The following IGSF8 variants were observed in gnomAD, a reference collection of about 807,000 sequenced individuals.
The protein encoded by IGSF8 is immunoglobulin superfamily member 8.
A neutral mutation model predicts 55.5 loss-of-function variants in IGSF8; 46 were observed. The observed-to-expected ratio is 0.83, with a 90% CI of 0.65 to 1.06. The LOEUF is 1.06. IGSF8 is among the 50% of genes least tolerant of loss of function. The pLI is 0.00. For synonymous variants in IGSF8, 314 were observed against 356.1 expected (o/e 0.88, Z 1.33); for missense variants, 731 against 832.3 (o/e 0.88, Z 1.50).
intron 1 of IGSF8, chr1:160,097,631 C>T: frequency 3.1e-6 from 3 of 971,034 alleles, no homozygotes; most frequent in East Asian, 1.1e-4. Flanking sequence ...CCCTCCAGTT[C>T]AGGCCAAAAA....
rs1462972441 is a variant in IGSF8 at position 160,094,025 on chromosome 1, G to A, written c.589C>T (p.His197Tyr). 2 of 1,614,186 alleles carry A rather than the reference G, an allele frequency of 1.2e-6. No individual in the cohort carries two copies. The highest frequency in any genetic ancestry group is 1.3e-5 in the African/African-American group (1 of 75,078). The change falls in exon 3 of 7, where the codon CAC becomes TAC. Residue 197 changes from histidine (H) to tyrosine (Y), a missense_variant. His to Tyr is a moderately conservative substitution (Grantham distance 83, BLOSUM62 2). Coordinates refer to ENST00000314485, the MANE Select transcript of IGSF8 (RefSeq NM_052868.6). This position sits in a 1 kb window ranked among gnomAD's most constrained non-coding sequence, Gnocchi z 4.0. The part of the protein sequence containing the change: ...LARTSTQKHT[H>Y]LAVSFGRSVP... Reference sequence around the variant, plus strand: ...GATCGCCCAAAGGACACTGCCAGGTGTGTGTGCTTCTGTGTGCTTGTCCTC... The same window carrying A: ...GATCGCCCAAAGGACACTGCCAGGTATGTGTGCTTCTGTGTGCTTGTCCTC...
chr1:160,092,064 C>T (rs910404361), intron 5 of IGSF8, 126 bp from the exon 6 acceptor site: 4 of 811,400 alleles, frequency 4.9e-6, no homozygotes, highest in Non-Finnish European at 8.2e-6. Flanking sequence ...CCCATCCCTG[C>T]CCACAGCCTG....
At chr1:160,098,892 G>A (rs1436262173), upstream of IGSF8, 1 of 54,150 alleles carries the variant, frequency 1.8e-5, no homozygotes, top group Non-Finnish European at 3.3e-5. Flanking sequence ...GCCCCGCCCC[G>A]CCAAGACTCC....
At chr1:160,096,874 A>T (rs1406309992) in intron 1 of IGSF8, among the ~76,000 whole-genome samples, 1 of 152,164 alleles carries the variant, frequency 6.6e-6, no homozygotes, top group African/African-American at 2.4e-5. Context: ...AGCCAAGCTG[A>T]CACCTTCCCT....
chr1:160,097,962 G>A, intron 1 of IGSF8: 7 of 985,498 alleles, frequency 7.1e-6, no homozygotes, highest in Non-Finnish European at 8.4e-6. Flanking sequence ...TTCAAAGATC[G>A]TGGGCAGAAC....
rs371227565 is a variant in IGSF8, at chr1:160,092,628, C to G, written c.1380G>C (p.Leu460=). ...CACCCCGCACAGAGATGTTGCACAG[C>G]AGGGAGGCAGTCTCCCCGCGGTACA... ...GTVYRGETAS[L]LCNISVRGGP... is the part of the protein sequence containing the mutation. Residue 460 remains leucine, a synonymous_variant, in exon 5 of 7, where the codon CTG becomes CTC. Transcript: ENST00000314485. 1.9e-6 allele frequency: 3 copies of G among 1,604,244 alleles called. No individual in the cohort carries two copies. Among genetic ancestry groups the G allele is most frequent in the Non-Finnish European group, 1.7e-6 (2 of 1,179,968 alleles).
chr1:160,098,102 A>T, intron 1 of IGSF8: 3 of 559,738 alleles, frequency 5.4e-6, no homozygotes, highest in Non-Finnish European at 4.5e-6. Context: ...CATTTGGTGC[A>T]GCGACCCCAG....
chr1:160,095,172 T>C lies in IGSF8; in HGVS notation c.139A>G (p.Ile47Val). The C allele has an allele frequency of 6.2e-7, 1 of 1,612,270 alleles. No individual in the cohort carries two copies. The stretch of plus-strand genomic sequence containing the variant: ...TCATAGCCGGTCACATTGCAGGAGA[T>C]GGAGACAGCTGTGCCAGCCACGCGG... ...LYRVAGTAVS[I>V]SCNVTGYEGP... Residue 47 changes from isoleucine (I) to valine (V), a missense_variant, in exon 2 of 7, where the codon ATC becomes GTC. Coordinates refer to ENST00000314485, the MANE Select transcript of IGSF8 (RefSeq NM_052868.6).
Position 160,091,480 on chromosome 1 carries a change from G to A in IGSF8, c.*144C>T, listed in dbSNP as rs1649944998. ...GGGAGGGAAGGAGTGGGGAAGGGGAGGCACGTCTCCCATTCTGGGTAGTGG... is the reference window on the plus strand; with the variant it reads ...GGGAGGGAAGGAGTGGGGAAGGGGAAGCACGTCTCCCATTCTGGGTAGTGG... On this transcript the variant is annotated 3_prime_UTR_variant, in exon 7 of 7. Transcript: ENST00000314485. The A allele has an allele frequency of 3.8e-6, 1 of 266,440 alleles. No homozygotes were observed. Among genetic ancestry groups the A allele is most frequent in the African/African-American group, 2.2e-5 (1 of 45,240 alleles). The allele number at this position is 266,440 out of a possible 1,614,324, so 16.5% of individuals were successfully genotyped here.
At chr1:160,096,863 C>T (rs1346179887) in intron 1 of IGSF8, among the ~76,000 whole-genome samples, 1 of 152,244 alleles carries the variant, frequency 6.6e-6, no homozygotes, top group Non-Finnish European at 1.5e-5. Flanking sequence ...ACGGTGGAGA[C>T]AGCCAAGCTG....
chr1:160,094,876 C>T lies in IGSF8; in HGVS notation c.435G>A (p.Glu145=). Residue 145 remains glutamate (E), a synonymous_variant, in exon 2 of 7, where the codon GAG becomes GAA. Coordinates refer to ENST00000314485, the MANE Select transcript of IGSF8 (RefSeq NM_052868.6). This position sits in a 1 kb window ranked among gnomAD's most constrained non-coding sequence, Gnocchi z 4.0. ...CGTCCCAGGGCCCAGTACCTCTCAG[C>T]TCCACCTTGCCGCTGTAGCTGCCCA... ...RYLGSYSGKV[E]LRVLPDVLQV... is the part of the protein sequence containing the mutation. 1 of 1,612,076 alleles carries T rather than the reference C, an allele frequency of 6.2e-7. No homozygotes were observed. The highest frequency in any genetic ancestry group is 2.2e-5 in the East Asian group (1 of 44,842).
In IGSF8 at chr1:160,098,590, G is replaced by T. The variant is rs1047535069; in HGVS notation, c.-118C>A. ...AAGCGGGGCAGCGAGGCGTGGGTGC[G>T]CCGAGCGAGCTGAACTGGAGCTGCC... On this transcript the variant is annotated 5_prime_UTR_variant, in exon 1 of 7. Transcript: ENST00000314485. 4.6e-6 allele frequency: 3 copies of T among 657,668 alleles called. No individual in the cohort carries two copies. The South Asian group carries it at 5.8e-5, about 13-fold the overall frequency. 40.7% of individuals were successfully genotyped at this position (657,668 alleles called of 1,614,324 possible).
chr1:160,098,583 T>C lies in IGSF8; in HGVS notation c.-111A>G. The stretch of plus-strand genomic sequence containing the variant: ...GGGCAGGAAGCGGGGCAGCGAGGCG[T>C]GGGTGCGCCGAGCGAGCTGAACTGG... On this transcript the variant is annotated 5_prime_UTR_variant, in exon 1 of 7. Coordinates refer to ENST00000314485, the MANE Select transcript of IGSF8 (RefSeq NM_052868.6). 2 of 704,586 alleles carry C rather than the reference T, an allele frequency of 2.8e-6. No individual in the cohort carries two copies. The highest frequency in any genetic ancestry group is 2.9e-5 in the Admixed American group (1 of 34,822). 43.6% of individuals were successfully genotyped at this position (704,586 alleles called of 1,614,324 possible).
intron 1 of IGSF8, chr1:160,098,104 C>T: frequency 1.8e-6 from 1 of 563,292 alleles, no homozygotes; most frequent in Non-Finnish European, 2.3e-6. Flanking sequence ...TTTGGTGCAG[C>T]GACCCCAGTA....
At chr1:160,098,358 G>A in intron 1 of IGSF8, 51 bp downstream of exon 1, 1 of 1,550,000 alleles carries the variant, frequency 6.5e-7, no homozygotes, top group Non-Finnish European at 8.7e-7. Flanking sequence ...GGTGCTGGAT[G>A]GCAGGCACCT....
intron 1 of IGSF8, chr1:160,097,910 C>T: frequency 4.1e-6 from 4 of 985,488 alleles, no homozygotes; most frequent in Non-Finnish European, 4.8e-6. Context: ...GGAACTGCCC[C>T]CAGTTGATGA....
At position 160,094,812 on chromosome 1, in the gene IGSF8, C is replaced by T. The variant is rs79474192; in HGVS notation, c.442+57G>A. Reference sequence around the variant, plus strand: ...GGGCAACTAGATAGGTCACTTGTGGCCTTGACTTTCTGCCTTGAGAGGGTG... The same window carrying T: ...GGGCAACTAGATAGGTCACTTGTGGTCTTGACTTTCTGCCTTGAGAGGGTG... On this transcript the variant is annotated intron_variant, in intron 2 of 6. Transcript: ENST00000314485. The surrounding 1 kb of genome is among the most constrained non-coding windows in gnomAD (Gnocchi z 4.0). 2,766 of 1,554,082 alleles carry T rather than the reference C, an allele frequency of 1.8e-3. 38 individuals are homozygous for T. In the African/African-American group the frequency reaches 0.032, roughly 18 times the overall value.
rs1650260683 is a variant in IGSF8, at chr1:160,094,268, C to T, written c.443-97G>A. On this transcript the variant is annotated intron_variant, in intron 2 of 6. Coordinates refer to ENST00000314485, the MANE Select transcript of IGSF8 (RefSeq NM_052868.6). The surrounding 1 kb of genome is among the most constrained non-coding windows in gnomAD (Gnocchi z 4.0). ...TATCTCCCTAAATAAACTGTGAGCT[C>T]CCAGAGGGCAAAGATCGCATGTTGT... The T allele has an allele frequency of 1.3e-6, 1 of 764,484 alleles. No individual in the cohort carries two copies. The highest frequency in any genetic ancestry group is 2.7e-5 in the East Asian group (1 of 37,164). The allele number at this position is 764,484 out of a possible 1,614,324, so 47.4% of individuals were successfully genotyped here.
intron 3 of IGSF8, 123 bp downstream of exon 3, chr1:160,093,587 A>T: frequency 1.2e-6 from 1 of 865,100 alleles, no homozygotes; most frequent in Non-Finnish European, 1.8e-6. Flanking sequence ...AAGGCTGCTC[A>T]CTCTGTGGAA....
Sources: allele counts gnomAD v4.1 joint callset (sites outside exome capture counted in the v4.1 genomes callset), GRCh38; gene constraint gnomAD v4.1.1; non-coding constraint Gnocchi (gnomAD v3.1); transcripts MANE v1.5; gene names NCBI Gene and HGNC (gene_info 2026-07-23, HGNC 2026-07-21).